Variants in OAS1 observed in about 807,000 individuals in gnomAD.
OAS1 encodes the protein 2'-5'-oligoadenylate synthase 1.
OAS1 carries 24 observed loss-of-function variants against 38.5 expected under a neutral mutation model. That is an observed-to-expected ratio of 0.62 (90% CI 0.45 to 0.88). The LOEUF (loss-of-function observed/expected upper bound fraction) is 0.88. Among genes scored for constraint, OAS1 ranks in the 40% least tolerant of loss-of-function variants. OAS1 has a pLI of 0.00. For missense variants in OAS1, 482 were observed against 493.9 expected, an observed-to-expected ratio of 0.98 and a Z score of 0.23; for synonymous variants, 169 against 193.9, an observed-to-expected ratio of 0.87 and a Z score of 1.07.
intron 6 of OAS1, among the ~76,000 whole-genome samples, chr12:112,931,339 G>A (rs562761951): frequency 1.8e-4 from 27 of 152,162 alleles, no homozygotes; most frequent in Admixed American, 3.3e-4. Flanking sequence ...TCTGGAGTCC[G>A]ACTGCCTGGG....
intron 3 of OAS1, among the ~76,000 whole-genome samples, chr12:112,915,654 A>G (rs2043444876): frequency 6.6e-6 from 1 of 152,186 alleles, no homozygotes; most frequent in Non-Finnish European, 1.5e-5. Context: ...AGTTCTGTGA[A>G]GAATGATGGT....
At chr12:112,912,426 A>G (rs755991153) in intron 3 of OAS1, among the ~76,000 whole-genome samples, 8 of 152,254 alleles carry the variant, frequency 5.3e-5, no homozygotes, top group African/African-American at 9.6e-5. Context: ...CATTCAATGT[A>G]TATTTCTTGA....
At chr12:112,915,403 T>C (rs1038296346) in intron 3 of OAS1, among the ~76,000 whole-genome samples, 1 of 152,168 alleles carries the variant, frequency 6.6e-6, no homozygotes, top group African/African-American at 2.4e-5. Flanking sequence ...TGTTTTTGTT[T>C]GGTTTGTCAA....
downstream of OAS1, among the ~76,000 whole-genome samples, chr12:112,924,371 A>G (rs1260817819): frequency 1.3e-5 from 2 of 152,036 alleles, no homozygotes; most frequent in Non-Finnish European, 1.5e-5. Flanking sequence ...TTTCTACATT[A>G]ATTTTATACT....
At chr12:112,918,783 G>T in intron 5 of OAS1, 1 of 348,574 alleles carries the variant, frequency 2.9e-6, no homozygotes, top group South Asian at 2.2e-5. Flanking sequence ...GAGTGACTTG[G>T]GTTGTCACAC....
At chr12:112,917,292 C>G (rs1296644877) in intron 4 of OAS1, among the ~76,000 whole-genome samples, 1 of 152,068 alleles carries the variant, frequency 6.6e-6, no homozygotes, top group East Asian at 1.9e-4. Flanking sequence ...AGTGACCTAC[C>G]CAAGGGCACA....
At chr12:112,913,879 A>G (rs986261348) in intron 3 of OAS1, among the ~76,000 whole-genome samples, 8 of 152,176 alleles carry the variant, frequency 5.3e-5, no homozygotes, top group Non-Finnish European at 1.5e-5. Context: ...TATGGCTCTG[A>G]TACCTCTCCT....
chr12:112,917,571 C>A lies in OAS1; in HGVS notation c.909C>A (p.Asp303Glu). Residue 303 changes from aspartate to glutamate, a missense_variant, in exon 5 of 6, where the codon GAC (aspartate) becomes GAA (glutamate). Coordinates refer to ENST00000202917, the MANE Select transcript of OAS1 (RefSeq NM_016816.4). ...GGCCTGTGATCCTGGACCCGGCGGA[C>A]CCTACAGGAAACTTGGGTGGTGGAG... is the stretch of plus-strand genomic sequence containing the variant. The part of the protein sequence containing the change: ...KPRPVILDPA[D>E]PTGNLGGGDP... The A allele has an allele frequency of 6.2e-7, 1 of 1,614,168 alleles. No individual in the cohort carries two copies. The highest frequency in any genetic ancestry group is 8.5e-7 in the Non-Finnish European group (1 of 1,180,024).
Position 112,908,670 on chromosome 12 carries a change from G to C in OAS1, c.315G>C (p.Gln105His), listed in dbSNP as rs749958330. The C allele has an allele frequency of 2.6e-5, 42 of 1,614,122 alleles. 1 individual carries two copies. Among genetic ancestry groups the C allele is most frequent in the Non-Finnish European group, 8.5e-7 (1 of 1,180,046 alleles). Reference sequence around the variant, plus strand: ...AGTTCATCCAGGAAATTAGGAGACAGCTGGAAGCCTGTCAAAGAGAGAGAG... The same window carrying C: ...AGTTCATCCAGGAAATTAGGAGACACCTGGAAGCCTGTCAAAGAGAGAGAG... The part of the protein sequence containing the change: ...RGEFIQEIRR[Q>H]LEACQRERAF... The change falls in exon 2 of 6, where the codon CAG (glutamine) becomes CAC (histidine). Residue 105 changes from glutamine to histidine, a missense_variant. By Grantham distance (24) the Gln-to-His change is conservative. Coordinates refer to ENST00000202917, the MANE Select transcript of OAS1 (RefSeq NM_016816.4).
chr12:112,932,372 A>T (rs911540050), downstream of OAS1: 1 of 154,980 alleles, frequency 6.5e-6, no homozygotes, highest in African/African-American at 2.4e-5. Flanking sequence ...CAGGCAGATC[A>T]CTTGAGGCCA....
intron 3 of OAS1, 39 bp from the exon 4 acceptor site, chr12:112,916,470 G>A: frequency 6.4e-7 from 1 of 1,572,932 alleles, no homozygotes; most frequent in Non-Finnish European, 8.7e-7. Context: ...CAAAAGTTGA[G>A]CAAACCAATT....
At chr12:112,920,945 C>T (rs778525135), downstream of OAS1, among the ~76,000 whole-genome samples, 6 of 152,152 alleles carry the variant, frequency 3.9e-5, no homozygotes, top group Non-Finnish European at 5.9e-5. Flanking sequence ...GAACTTGAAC[C>T]CTAATCCTTC....
chr12:112,923,676 G>A (rs982619234), downstream of OAS1, among the ~76,000 whole-genome samples: 2 of 152,144 alleles, frequency 1.3e-5, no homozygotes, highest in Non-Finnish European at 2.9e-5. Context: ...TTTTCAGCCC[G>A]TTGATTGTTT....
chr12:112,916,892 G>C lies in OAS1; in HGVS notation c.884+154G>C, dbSNP rs1004986141. 2.2e-5 allele frequency: 14 copies of C among 637,876 alleles called. 1 individual carries two copies. The highest frequency in any genetic ancestry group is 3.6e-5 in the South Asian group (2 of 54,940). The allele number at this position is 637,876 out of a possible 1,614,324, so 39.5% of individuals were successfully genotyped here. A position where few individuals can be genotyped will look rare whatever the true frequency, so the allele number is the denominator to read the frequency against. ...ACTGGGCATTTTACTACTGCCATCT[G>C]TTTTAAACACCTACCTCCAACCCTG... On this transcript the variant is annotated intron_variant, in intron 4 of 5. Transcript: ENST00000202917.
chr12:112,931,338 C>A (rs974575007), intron 6 of OAS1, among the ~76,000 whole-genome samples: 3 of 152,154 alleles, frequency 2.0e-5, no homozygotes, highest in African/African-American at 7.2e-5. Flanking sequence ...ATCTGGAGTC[C>A]GACTGCCTGG....
At chr12:112,912,829 A>G (rs778714165) in intron 3 of OAS1, among the ~76,000 whole-genome samples, 2 of 152,108 alleles carry the variant, frequency 1.3e-5, no homozygotes, top group Non-Finnish European at 2.9e-5. Flanking sequence ...CAATAATTTA[A>G]CTCCACTAAC....
intron 5 of OAS1, chr12:112,919,031 G>A (rs750958274): frequency 5.9e-5 from 17 of 287,494 alleles, no homozygotes; most frequent in Non-Finnish European, 5.4e-5. Flanking sequence ...GATGCAGAGC[G>A]AATGCCAGTT....
At position 112,916,781 on chromosome 12, in the gene OAS1, C is replaced by G. The variant is rs527466750; in HGVS notation, c.884+43C>G. The G allele has an allele frequency of 7.9e-6, 11 of 1,397,670 alleles. No individual in the cohort carries two copies. The East Asian group carries it at 2.5e-4, about 32-fold the overall frequency. 86.6% of individuals were successfully genotyped at this position (1,397,670 alleles called of 1,614,324 possible). ...GGCTTAGCTCCCCTATGTAAATGAA[C>G]ACCTGGATACAGGTACAGTGCCTTG... On this transcript the variant is annotated intron_variant, in intron 4 of 5. Coordinates refer to ENST00000202917, the MANE Select transcript of OAS1 (RefSeq NM_016816.4).
intron 2 of OAS1, among the ~76,000 whole-genome samples, chr12:112,909,935 A>G (rs12423466): frequency 2.6e-5 from 4 of 152,130 alleles, no homozygotes; most frequent in Admixed American, 2.6e-4. Flanking sequence ...AGGAACTGTC[A>G]CAGTTTCCTT....
Sources: allele counts gnomAD v4.1 joint callset (sites outside exome capture counted in the v4.1 genomes callset), GRCh38; gene constraint gnomAD v4.1.1; transcripts MANE v1.5; gene names NCBI Gene and HGNC (gene_info 2026-07-23, HGNC 2026-07-21).